GLI3: variants seen among roughly 807,000 people sequenced by gnomAD.
The protein encoded by GLI3 is GLI family zinc finger 3.
GLI3 carries 20 observed loss-of-function variants against 100.8 expected under a neutral mutation model. That is an observed-to-expected ratio of 0.20 (90% CI 0.14 to 0.29). The LOEUF (loss-of-function observed/expected upper bound fraction) is 0.29, where lower values mean the gene tolerates loss of function less well. Among genes scored for constraint, GLI3 ranks in the 10% least tolerant of loss-of-function variants. GLI3 has a pLI of 1.00. For missense variants in GLI3, 2,040 were observed against 2,128.5 expected (o/e 0.96, Z 0.82); for synonymous variants, 938 against 860.5 (o/e 1.09, Z -1.58).
intron 2 of GLI3, among the ~76,000 whole-genome samples, chr7:42,162,430 C>A (rs371441048): frequency 6.6e-6 from 1 of 152,174 alleles, no homozygotes; most frequent in African/African-American, 2.4e-5. Context: ...CTTTAATTCA[C>A]ATCTTGTTGA....
upstream of GLI3, among the ~76,000 whole-genome samples, chr7:42,241,483 C>T (rs1392886297): frequency 2.6e-5 from 4 of 152,210 alleles, no homozygotes; most frequent in African/African-American, 9.6e-5. Context: ...CCACATGAAT[C>T]TCTCAGGAGT....
chr7:42,099,626 TGCGACCTCCCGAACTCAA>T (rs1213673393), intron 3 of GLI3, among the ~76,000 whole-genome samples: 2 of 152,126 alleles, frequency 1.3e-5, no homozygotes, highest in Non-Finnish European at 2.9e-5. Context: ...TCACTGCAGC[TGCGACCTCCCGAACTCAA>T]GTGATTCTCC....
At chr7:42,178,759 G>A (rs953555612) in intron 2 of GLI3, among the ~76,000 whole-genome samples, 1 of 152,168 alleles carries the variant, frequency 6.6e-6, no homozygotes, top group African/African-American at 2.4e-5. Context: ...GTTACCAAGC[G>A]GCTATGGGAA....
At chr7:42,252,547 A>C (rs1261103365) in intron 1 of GLI3, among the ~76,000 whole-genome samples, 1 of 152,232 alleles carries the variant, frequency 6.6e-6, no homozygotes, top group Non-Finnish European at 1.5e-5. Context: ...CCTCAATACT[A>C]TTCTCACTAT....
intron 4 of GLI3, among the ~76,000 whole-genome samples, chr7:42,060,691 A>G (rs1276472716): frequency 6.6e-6 from 1 of 152,142 alleles, no homozygotes; most frequent in Non-Finnish European, 1.5e-5. Flanking sequence ...TATCCTTTCC[A>G]AAAGAAAATA....
chr7:41,977,906 GA>G (rs1215128667), intron 11 of GLI3, 184 bp from the exon 12 acceptor site: 1 of 635,208 alleles, frequency 1.6e-6, no homozygotes, highest in Non-Finnish European at 2.8e-6. Flanking sequence ...TGTAGTTCCA[GA>G]TAAAGAGTTT....
At chr7:42,070,227 G>T (rs935083977) in intron 4 of GLI3, among the ~76,000 whole-genome samples, 1 of 152,198 alleles carries the variant, frequency 6.6e-6, no homozygotes, top group Non-Finnish European at 1.5e-5. Flanking sequence ...AGCAAAGACT[G>T]ATAAGCATCT....
intron 1 of GLI3, among the ~76,000 whole-genome samples, chr7:42,232,701 T>G (rs73688680): frequency 0.029 from 4,354 of 152,314 alleles, 221 homozygotes; most frequent in African/African-American, 0.098. Flanking sequence ...GTGCCATATA[T>G]GAGAGTACAA....
At chr7:42,213,730 G>T (rs995252514) in intron 2 of GLI3, among the ~76,000 whole-genome samples, 1 of 152,190 alleles carries the variant, frequency 6.6e-6, no homozygotes, top group African/African-American at 2.4e-5. Context: ...TGGAAATGTC[G>T]CCTATCCATT....
intron 10 of GLI3, among the ~76,000 whole-genome samples, chr7:41,995,049 A>G (rs541016468): frequency 6.6e-6 from 1 of 152,344 alleles, no homozygotes; most frequent in African/African-American, 2.4e-5. Flanking sequence ...CTGAAACTCA[A>G]TGTTCGGCCA....
At chr7:42,184,599 A>C (rs1334385942) in intron 2 of GLI3, among the ~76,000 whole-genome samples, 1 of 152,164 alleles carries the variant, frequency 6.6e-6, no homozygotes, top group African/African-American at 2.4e-5. Context: ...GTTTTAATGA[A>C]TGAATGAATG....
At chr7:42,160,841 G>A (rs994519113) in intron 2 of GLI3, among the ~76,000 whole-genome samples, 12 of 152,292 alleles carry the variant, frequency 7.9e-5, no homozygotes, top group Admixed American at 5.9e-4. Context: ...AGGATAGACA[G>A]CTTAGGAGGG....
intron 10 of GLI3, among the ~76,000 whole-genome samples, chr7:41,989,993 A>AG (rs1787938219): frequency 1.3e-5 from 2 of 148,798 alleles, no homozygotes; most frequent in African/African-American, 4.9e-5. Flanking sequence ...TCTCCAAAAA[A>AG]AAAAAAAAAA....
intron 2 of GLI3, among the ~76,000 whole-genome samples, chr7:42,214,846 T>C (rs1334916395): frequency 2.1e-5 from 3 of 142,508 alleles, no homozygotes; most frequent in East Asian, 2.1e-4. Flanking sequence ...GCCTAAAATG[T>C]ACATTCACTG....
At chr7:42,197,255 C>T in intron 2 of GLI3, among the ~76,000 whole-genome samples, 1 of 152,204 alleles carries the variant, frequency 6.6e-6, no homozygotes, top group South Asian at 2.1e-4. Flanking sequence ...TATCCAAGAT[C>T]TATGCAGCTA....
At chr7:42,165,331 T>C (rs1787220036) in intron 2 of GLI3, among the ~76,000 whole-genome samples, 1 of 152,166 alleles carries the variant, frequency 6.6e-6, no homozygotes, top group South Asian at 2.1e-4. Flanking sequence ...GTATAATACT[T>C]ACCTATCCAA....
intron 2 of GLI3, among the ~76,000 whole-genome samples, chr7:42,212,226 T>C (rs1038282791): frequency 6.6e-6 from 1 of 152,232 alleles, no homozygotes; most frequent in Admixed American, 6.5e-5. Flanking sequence ...AAATGACTCA[T>C]CCTCTTGAAT....
Position 41,965,651 on chromosome 7 carries a change from T to C in GLI3, c.3422A>G (p.Gln1141Arg). Residue 1141 changes from glutamine to arginine, a missense_variant, in exon 15 of 15, where the codon CAG (glutamine) becomes CGG (arginine). Gln to Arg is a conservative substitution (Grantham distance 43). Coordinates refer to ENST00000395925, the MANE Select transcript of GLI3 (RefSeq NM_000168.6). ...APGLPDSHAG[Q>R]QFHALEQPCP... ...GGGCTGCTCGAGGGCATGGAACTGC[T>C]GGCCAGCGTGGCTGTCTGGCAGCCC... 1 of 1,612,424 alleles carries C rather than the reference T, an allele frequency of 6.2e-7. No homozygotes were observed. The highest frequency in any genetic ancestry group is 8.5e-7 in the Non-Finnish European group (1 of 1,178,888).
Position 42,045,986 on chromosome 7 carries a change from T to C in GLI3, c.680-456A>G, listed in dbSNP as rs1784236851. 1.3e-5 allele frequency among the ~76,000 whole-genome samples: 2 copies of C among 152,234 alleles called. 1 individual carries two copies. The highest frequency in any genetic ancestry group is 2.9e-5 in the Non-Finnish European group (2 of 68,046). ...GTGTCTGAGTTAACTCTCACTCACA[T>C]GAAAAGTCAGGGTTTACCAGTATGA... On this transcript the variant is annotated intron_variant, in intron 5 of 14. Transcript: ENST00000395925.
Sources: gnomAD v4.1 joint callset for allele counts (sites outside exome capture counted in the v4.1 genomes callset) on GRCh38, gnomAD v4.1.1 for gene constraint, MANE v1.5 for transcripts, NCBI Gene and HGNC (gene_info 2026-07-23, HGNC 2026-07-21) for gene names.